Variants in ADAMTSL3 observed in about 807,000 individuals in gnomAD.
The protein encoded by ADAMTSL3 is ADAMTS-like protein 3.
In ADAMTSL3, 128 loss-of-function variants were observed where a neutral mutation model predicts 201.7. That is an observed-to-expected ratio of 0.63 (90% CI 0.55 to 0.73). The LOEUF (loss-of-function observed/expected upper bound fraction) is 0.73, where lower values mean the gene tolerates loss of function less well. Ranked by LOEUF, ADAMTSL3 falls within the 30% of genes least tolerant of loss-of-function variation. The pLI, the probability that ADAMTSL3 is intolerant of heterozygous loss-of-function variation, is 0.00. For synonymous variants in ADAMTSL3, 738 were observed against 748.4 expected, an observed-to-expected ratio of 0.99 and a Z score of 0.23; for missense variants, 1,990 against 2,119.6, an observed-to-expected ratio of 0.94 and a Z score of 1.20.
At chr15:83,791,579 C>A (rs772931770) in intron 4 of ADAMTSL3, among the ~76,000 whole-genome samples, 2 of 152,150 alleles carry the variant, frequency 1.3e-5, no homozygotes, top group Non-Finnish European at 2.9e-5. Context: ...TCAACTAACG[C>A]CAGGCGCAGT....
At position 83,823,061 on chromosome 15, in the gene ADAMTSL3, G is replaced by A. The variant is rs573394664; in HGVS notation, c.600+3014G>A. Among the ~76,000 whole-genome samples, 365 of 151,876 alleles carry A rather than the reference G, an allele frequency of 2.4e-3. 1 individual carries two copies. The highest frequency in any genetic ancestry group is 8.3e-3 in the African/African-American group (343 of 41,416). On this transcript the variant is annotated intron_variant, in intron 6 of 29. Transcript: ENST00000286744. Reference sequence around the variant, plus strand: ...AATACGAAAACCAGTCAGGCGTGGCGGCGCGCGCCTGCAAATTGCAGGCAC... The same window carrying A: ...AATACGAAAACCAGTCAGGCGTGGCAGCGCGCGCCTGCAAATTGCAGGCAC...
At chr15:84,025,138 A>G (rs911067721) in intron 26 of ADAMTSL3, 100 bp from the exon 27 acceptor site, 1 of 984,158 alleles carries the variant, frequency 1.0e-6, no homozygotes, top group African/African-American at 1.6e-5. Context: ...ACAGCCTAAG[A>G]TAGCCATGGT....
intron 4 of ADAMTSL3, among the ~76,000 whole-genome samples, chr15:83,801,651 AATATATATATATATATAT>A (rs68098545): frequency 3.5e-4 from 11 of 31,288 alleles, no homozygotes; most frequent in African/African-American, 7.5e-4. Context: ...TATAAATATA[AATATATATATATATATAT>A]ATATATATAT....
At chr15:83,841,882 G>A (rs1044796774) in intron 7 of ADAMTSL3, among the ~76,000 whole-genome samples, 1 of 151,860 alleles carries the variant, frequency 6.6e-6, no homozygotes, top group Non-Finnish European at 1.5e-5. Context: ...TGGATGTTGA[G>A]AGGAACACAC....
chr15:83,787,743 C>T (rs113020364), intron 4 of ADAMTSL3, among the ~76,000 whole-genome samples: 3,360 of 152,196 alleles, frequency 0.022, 37 homozygotes, highest in Non-Finnish European at 0.032. Flanking sequence ...GTAGGCACTA[C>T]GCATTAGAGT....
intron 2 of ADAMTSL3, among the ~76,000 whole-genome samples, chr15:83,660,364 A>G (rs2061145807): frequency 6.6e-6 from 1 of 152,198 alleles, no homozygotes; most frequent in Admixed American, 6.5e-5. Context: ...ATCCTAAGGA[A>G]GGTAGTCCTG....
At chr15:83,905,824 T>C (rs2065821239) in intron 15 of ADAMTSL3, among the ~76,000 whole-genome samples, 1 of 152,190 alleles carries the variant, frequency 6.6e-6, no homozygotes, top group Non-Finnish European at 1.5e-5. Flanking sequence ...AAATCAGTGC[T>C]GGCTTCTCTC....
At position 83,783,081 on chromosome 15, in the gene ADAMTSL3, G is replaced by A. The variant is rs1193596244; in HGVS notation, c.317+9431G>A. On this transcript the variant is annotated intron_variant, in intron 4 of 29. Coordinates refer to ENST00000286744, the MANE Select transcript of ADAMTSL3 (RefSeq NM_207517.3). ...TATGTTTTCTGGAGTTTAAATGTATGTAGAACTTTAAAAACATAGAAACAA... is the reference window on the plus strand; with the variant it reads ...TATGTTTTCTGGAGTTTAAATGTATATAGAACTTTAAAAACATAGAAACAA... 8.1e-5 allele frequency among the ~76,000 whole-genome samples: 12 copies of A among 148,810 alleles called. No individual in the cohort carries two copies. In the Admixed American group the frequency reaches 8.1e-4, roughly 10 times the overall value.
At chr15:83,960,246 C>A (rs895617548) in intron 19 of ADAMTSL3, among the ~76,000 whole-genome samples, 2 of 152,054 alleles carry the variant, frequency 1.3e-5, no homozygotes, top group Non-Finnish European at 2.9e-5. Context: ...CAACAAAAAA[C>A]CCACTAAAAG....
chr15:83,862,417 T>A (rs538749152), intron 8 of ADAMTSL3: 2 of 152,298 alleles, frequency 1.3e-5, no homozygotes, highest in East Asian at 3.9e-4. Context: ...TAACAGCAGA[T>A]CTCTTGGCAG....
intron 9 of ADAMTSL3, among the ~76,000 whole-genome samples, chr15:83,877,854 T>C (rs1196437558): frequency 6.6e-6 from 1 of 152,216 alleles, no homozygotes; most frequent in Non-Finnish European, 1.5e-5. Context: ...CTATAAATGG[T>C]ATTTTTTTCA....
intron 8 of ADAMTSL3, among the ~76,000 whole-genome samples, 188 bp from the exon 9 acceptor site, chr15:83,870,614 T>C (rs574772064): frequency 1.3e-5 from 2 of 152,218 alleles, no homozygotes; most frequent in Non-Finnish European, 2.9e-5. Flanking sequence ...CCTTGTTAGC[T>C]CCTTTTGTTA....
chr15:83,817,019 T>A (rs1172975305), intron 5 of ADAMTSL3, among the ~76,000 whole-genome samples: 1 of 152,194 alleles, frequency 6.6e-6, no homozygotes, highest in African/African-American at 2.4e-5. Context: ...CCAGTTTTAG[T>A]CTTCTTCAGT....
intron 9 of ADAMTSL3, among the ~76,000 whole-genome samples, chr15:83,872,652 C>A (rs941747361): frequency 9.2e-6 from 1 of 108,304 alleles, no homozygotes; most frequent in African/African-American, 3.3e-5. Context: ...CTTTTAATTA[C>A]TACTCAGAGA....
At chr15:83,997,164 ATTGT>A (rs1197270529) in intron 23 of ADAMTSL3, among the ~76,000 whole-genome samples, 1 of 152,252 alleles carries the variant, frequency 6.6e-6, no homozygotes, top group Non-Finnish European at 1.5e-5. Flanking sequence ...GCATTGTAAC[ATTGT>A]TTGTAAAAGC....
chr15:83,898,888 C>T (rs528947406), intron 14 of ADAMTSL3, among the ~76,000 whole-genome samples: 3 of 152,224 alleles, frequency 2.0e-5, no homozygotes, highest in Admixed American at 6.5e-5. Flanking sequence ...TTTTTGAGTA[C>T]GTCTATCTTG....
At chr15:83,708,510 C>G (rs940636026) in intron 3 of ADAMTSL3, among the ~76,000 whole-genome samples, 5 of 149,378 alleles carry the variant, frequency 3.3e-5, no homozygotes, top group African/African-American at 1.3e-4. Context: ...GCCGCGGCAG[C>G]TTCTAGTGAA....
chr15:83,759,013 T>C (rs1269854095), intron 3 of ADAMTSL3, among the ~76,000 whole-genome samples: 3 of 152,180 alleles, frequency 2.0e-5, no homozygotes, highest in Admixed American at 6.5e-5. Context: ...TGTTCTGGCA[T>C]TAGATGTTGC....
At chr15:83,869,893 G>A (rs28645965) in intron 8 of ADAMTSL3, among the ~76,000 whole-genome samples, 40,857 of 151,904 alleles carry the variant, frequency 0.27, 6,118 homozygotes, top group Admixed American at 0.43. Context: ...AGAAAAATAC[G>A]GGGCCAGAAA....
Sources: gnomAD v4.1 joint callset for allele counts (sites outside exome capture counted in the v4.1 genomes callset) on GRCh38, gnomAD v4.1.1 for gene constraint, MANE v1.5 for transcripts, NCBI Gene and HGNC (gene_info 2026-07-23, HGNC 2026-07-21) for gene names.